The following SNX9 variants were observed in gnomAD, a reference collection of about 807,000 sequenced individuals.
The protein encoded by SNX9 is sorting nexin 9.
A neutral mutation model predicts 89.4 loss-of-function variants in SNX9; 44 were observed. That is an observed-to-expected ratio of 0.49 (90% confidence interval 0.39 to 0.63). The LOEUF is 0.63. Ranked by LOEUF, SNX9 falls within the 30% of genes least tolerant of loss-of-function variation. The probability of loss-of-function intolerance (pLI) is 0.00; values close to 1 mark genes in which losing one functional copy is unlikely to be tolerated. For synonymous variants in SNX9, 236 were observed against 247.8 expected (o/e 0.95, Z 0.45); for missense variants, 578 against 736.1 (o/e 0.79, Z 2.49).
intron 7 of SNX9, among the ~76,000 whole-genome samples, chr6:157,908,272 C>T (rs1783259866): frequency 6.6e-6 from 1 of 152,136 alleles, no homozygotes; most frequent in Admixed American, 6.5e-5. Context: ...AAACCTGTTC[C>T]ATAAATTATT....
intron 1 of SNX9, among the ~76,000 whole-genome samples, chr6:157,844,600 GT>G (rs34836632): frequency 1.1e-4 from 15 of 131,826 alleles, no homozygotes; most frequent in Admixed American, 4.6e-4. Context: ...TTTTTTTTTT[GT>G]TTTTTTTTTT....
At chr6:157,874,478 T>G (rs953221037) in intron 3 of SNX9, 6 of 152,218 alleles carry the variant, frequency 3.9e-5, no homozygotes, top group African/African-American at 1.2e-4. Context: ...TGGGTTTGCT[T>G]ACCTTTAAGA....
intron 6 of SNX9, among the ~76,000 whole-genome samples, chr6:157,905,171 C>T (rs1048639203): frequency 2.6e-5 from 4 of 152,060 alleles, no homozygotes; most frequent in African/African-American, 4.8e-5. Context: ...GTGTAAGCTG[C>T]GTTTTAAAGG....
At position 157,927,323 on chromosome 6, in the gene SNX9, T is replaced by G. The variant is rs188813863; in HGVS notation, c.1184+109T>G. On this transcript the variant is annotated intron_variant, in intron 11 of 17. Transcript: ENST00000392185. ...CCGAAACTCAAATCAGACTAGACTT[T>G]TATGAAATGAGTGGGATTTGTAGTC... 71 of 686,458 alleles carry G rather than the reference T, an allele frequency of 1.0e-4. No homozygotes were observed. In the Middle Eastern group the frequency reaches 1.5e-3, roughly 15 times the overall value. The allele number at this position is 686,458 out of a possible 1,614,324, so 42.5% of individuals were successfully genotyped here. A position where few individuals can be genotyped will look rare whatever the true frequency, so the allele number is the denominator to read the frequency against.
chr6:157,907,330 G>A (rs1446499706), intron 7 of SNX9, among the ~76,000 whole-genome samples: 1 of 152,112 alleles, frequency 6.6e-6, no homozygotes, highest in Non-Finnish European at 1.5e-5. Context: ...CACCCAGGCT[G>A]GAGTGCAGTG....
chr6:157,867,930 C>T (rs9356096), intron 2 of SNX9, among the ~76,000 whole-genome samples: 19,176 of 152,096 alleles, frequency 0.13, 1,964 homozygotes, highest in African/African-American at 0.28. Context: ...ATATGTTTAT[C>T]TTACAATTTT....
At chr6:157,824,033 A>C (rs187954465) in intron 1 of SNX9, among the ~76,000 whole-genome samples, 3 of 152,052 alleles carry the variant, frequency 2.0e-5, no homozygotes, top group Non-Finnish European at 4.4e-5. Flanking sequence ...TTGTTTTGCT[A>C]CCTTTTCATT....
intron 6 of SNX9, among the ~76,000 whole-genome samples, chr6:157,905,277 C>G (rs1783186885): frequency 6.6e-6 from 1 of 152,168 alleles, no homozygotes; most frequent in Non-Finnish European, 1.5e-5. Context: ...TTTGGCTTGG[C>G]ACATGAATGA....
At chr6:157,936,082 ATCT>A (rs1274144765) in intron 14 of SNX9, 42 bp downstream of exon 14, 2 of 1,482,136 alleles carry the variant, frequency 1.3e-6, no homozygotes, top group African/African-American at 2.8e-5. Context: ...ATTTGTTGCT[ATCT>A]AGTCCACATA....
intron 4 of SNX9, among the ~76,000 whole-genome samples, chr6:157,885,763 A>C (rs1238399756): frequency 1.3e-5 from 2 of 152,160 alleles, no homozygotes; most frequent in African/African-American, 4.8e-5. Flanking sequence ...CATAGAAAGT[A>C]GTTAGCCTGC....
intron 3 of SNX9, chr6:157,874,120 G>C (rs1250836074): frequency 6.6e-6 from 1 of 152,284 alleles, no homozygotes; most frequent in Non-Finnish European, 1.5e-5. Flanking sequence ...CCTGGGACCT[G>C]TCTGCAGAGT....
rs578231433 is a variant in SNX9, at chr6:157,915,351, C to T, written c.949+5326C>T. On this transcript the variant is annotated intron_variant, in intron 9 of 17. Transcript: ENST00000392185. ...ATCATGCTGGAATTTTTATTGAAAC[C>T]GCATTGATTCTGTAGATCAATTTTC... Among the ~76,000 whole-genome samples, 3 of 151,968 alleles carry T rather than the reference C, an allele frequency of 2.0e-5. No individual in the cohort carries two copies. The East Asian group carries it at 5.8e-4, about 29-fold the overall frequency.
intron 1 of SNX9, among the ~76,000 whole-genome samples, chr6:157,837,236 A>G (rs1220872397): frequency 1.3e-5 from 2 of 152,212 alleles, no homozygotes; most frequent in African/African-American, 4.8e-5. Flanking sequence ...TTGGTATTAT[A>G]TGCAAAATGT....
At chr6:157,826,966 A>G (rs74543858) in intron 1 of SNX9, among the ~76,000 whole-genome samples, 1 of 69,180 alleles carries the variant, frequency 1.4e-5, no homozygotes, top group South Asian at 5.0e-4. Context: ...TTTATATAAT[A>G]TATACATATA....
chr6:157,826,890 T>C (rs1461496542), intron 1 of SNX9, among the ~76,000 whole-genome samples: 1 of 106,762 alleles, frequency 9.4e-6, no homozygotes, highest in Non-Finnish European at 1.7e-5. Context: ...TATATAAATA[T>C]ATATTATAGT....
Position 157,896,846 on chromosome 6 carries a change from C to T in SNX9, c.320C>T (p.Pro107Leu). The change falls in exon 5 of 18, where the codon CCC becomes CTC. Residue 107 changes from proline (P) to leucine (L), a missense_variant. Pro to Leu is a moderately conservative substitution (Grantham distance 98, BLOSUM62 -3). Transcript: ENST00000392185. ...CAATAGGTTGGCAGTGGCAATGACCCCTGGTCAGCCTGGAGTGCCTCCAAA... is the reference window on the plus strand; with the variant it reads ...CAATAGGTTGGCAGTGGCAATGACCTCTGGTCAGCCTGGAGTGCCTCCAAA... The part of the protein sequence containing the change: ...NNHQVGSGND[P>L]WSAWSASKSG... The T allele has an allele frequency of 6.2e-7, 1 of 1,612,638 alleles. No homozygotes were observed. The highest frequency in any genetic ancestry group is 1.7e-4 in the Middle Eastern group (1 of 6,056).
chr6:157,941,027 T>C, intron 17 of SNX9, 53 bp downstream of exon 17: 12 of 1,436,198 alleles, frequency 8.4e-6, no homozygotes, highest in Non-Finnish European at 1.1e-5. Context: ...GGGTTCCTGG[T>C]AAACCACTTT....
rs536244419 is a variant in SNX9 at position 157,835,602 on chromosome 6, G to A, written c.12+12156G>A. ...AATCTCATCTTGAATTGTAATCGCT[G>A]TAATCTCCAAGTGTCACAGGAGGGA... On this transcript the variant is annotated intron_variant, in intron 1 of 17. Transcript: ENST00000392185. Among the ~76,000 whole-genome samples the A allele has an allele frequency of 7.2e-5, 11 of 152,018 alleles. No individual in the cohort carries two copies. In the South Asian group the frequency reaches 1.7e-3, roughly 23 times the overall value.
intron 5 of SNX9, among the ~76,000 whole-genome samples, chr6:157,898,892 G>A (rs1333997481): frequency 6.6e-6 from 1 of 152,162 alleles, no homozygotes; most frequent in East Asian, 1.9e-4. Context: ...GTGTGGGCTG[G>A]GTAGAAGCGT....
Sources: allele counts gnomAD v4.1 joint callset (sites outside exome capture counted in the v4.1 genomes callset), GRCh38; gene constraint gnomAD v4.1.1; transcripts MANE v1.5; gene names NCBI Gene and HGNC (gene_info 2026-07-23, HGNC 2026-07-21).